The following SLC15A5 variants were observed in gnomAD, a reference collection of about 807,000 sequenced individuals.
SLC15A5 encodes the protein Peptide/histidine transporter ENSP00000340402.
SLC15A5 carries 58 observed loss-of-function variants against 56.1 expected under a neutral mutation model. The observed-to-expected ratio is 1.03, with a 90% CI of 0.84 to 1.29. The LOEUF (loss-of-function observed/expected upper bound fraction) is 1.29, where lower values mean the gene tolerates loss of function less well. Ranked by LOEUF, SLC15A5 falls within the 50% of genes most tolerant of loss-of-function variation. SLC15A5 has a pLI of 0.00. For missense variants in SLC15A5, 681 were observed against 672.1 expected (o/e 1.01, Z -0.15); for synonymous variants, 264 against 250.5 (o/e 1.05, Z -0.51).
At position 16,257,862 on chromosome 12, in the gene SLC15A5, C is replaced by T. The variant is rs1332486572; in HGVS notation, c.593G>A (p.Trp198Ter). Reference sequence around the variant, plus strand: ...AATAGTTGCATTTAGGTTCATGAGCCAATAAAACCTGGGGTATACAGACAG... The same window carrying T: ...AATAGTTGCATTTAGGTTCATGAGCTAATAAAACCTGGGGTATACAGACAG... The part of the protein sequence containing the change: ...KTMSFFNWFY[W>*]LMNLNATIVF... The change falls in exon 3 of 9, where the codon TGG becomes TAG. Residue 198 changes from tryptophan (W) to a stop codon, truncating the protein, a stop_gained. Transcript: ENST00000344941. LOFTEE classifies it high-confidence loss of function. 6.7e-7 allele frequency: 1 copy of T among 1,488,328 alleles called. No homozygotes were observed. The highest frequency in any genetic ancestry group is 8.9e-7 in the Non-Finnish European group (1 of 1,129,262). 92.2% of individuals were successfully genotyped at this position (1,488,328 alleles called of 1,614,324 possible).
At position 16,224,580 on chromosome 12, in the gene SLC15A5, T is replaced by A; in HGVS notation, c.1185A>T (p.Ala395=). 2 of 1,532,110 alleles carry A rather than the reference T, an allele frequency of 1.3e-6. No homozygotes were observed. The highest frequency in any genetic ancestry group is 1.7e-6 in the Non-Finnish European group (2 of 1,144,612). The allele number at this position is 1,532,110 out of a possible 1,614,324, so 94.9% of individuals were successfully genotyped here. A position where few individuals can be genotyped will look rare whatever the true frequency, so the allele number is the denominator to read the frequency against. The change falls in exon 6 of 9, where the codon GCA becomes GCT. Residue 395 remains alanine, a synonymous_variant. Coordinates refer to ENST00000344941, the MANE Select transcript of SLC15A5 (RefSeq NM_001170798.1). The part of the protein sequence containing the change: ...TCIIAGNLFA[A]LSVMIAGFFE... ...AGAAGCCAGCTATCATCACAGACAA[T>A]GCAGCAAAAAGATTTCCAGCAACTG...
intron 3 of SLC15A5, among the ~76,000 whole-genome samples, chr12:16,247,542 A>G (rs1198360916): frequency 6.6e-6 from 1 of 152,170 alleles, no homozygotes; most frequent in Non-Finnish European, 1.5e-5. Context: ...GTGGGCTGTT[A>G]TGATAGAGAC....
chr12:16,200,314 A>AT (rs879828555), intron 7 of SLC15A5, among the ~76,000 whole-genome samples: 1 of 151,792 alleles, frequency 6.6e-6, no homozygotes, highest in Non-Finnish European at 1.5e-5. Context: ...GACATTGAAA[A>AT]TTTTTTTATA....
chr12:16,196,971 G>A lies in SLC15A5; in HGVS notation c.1484-2518C>T, dbSNP rs956829539. Among the ~76,000 whole-genome samples, 2 of 151,842 alleles carry A rather than the reference G, an allele frequency of 1.3e-5. No homozygotes were observed. Among genetic ancestry groups the A allele is most frequent in the Admixed American group, 1.3e-4 (2 of 15,210 alleles). ...ACAGAAATGACAAGTACTATGACTTGGTATTTGGGAGTTTGTGGGTGACAG... is the reference window on the plus strand; with the variant it reads ...ACAGAAATGACAAGTACTATGACTTAGTATTTGGGAGTTTGTGGGTGACAG... On this transcript the variant is annotated intron_variant, in intron 7 of 8. Transcript: ENST00000344941. The surrounding 1 kb of genome is among the most constrained non-coding windows in gnomAD (Gnocchi z 4.0).
chr12:16,227,079 G>A (rs1864249720), intron 5 of SLC15A5, among the ~76,000 whole-genome samples: 1 of 151,918 alleles, frequency 6.6e-6, no homozygotes, highest in Admixed American at 6.6e-5. Context: ...GCTCTTTCCA[G>A]GGTCCCCAAG....
chr12:16,209,935 G>A (rs1338506030), intron 7 of SLC15A5, among the ~76,000 whole-genome samples: 1 of 152,046 alleles, frequency 6.6e-6, no homozygotes, highest in Non-Finnish European at 1.5e-5. Context: ...TAGATCATTG[G>A]TGTTTTGTAT....
intron 8 of SLC15A5, among the ~76,000 whole-genome samples, chr12:16,191,996 A>G (rs1435277039): frequency 6.6e-6 from 1 of 152,110 alleles, no homozygotes; most frequent in Admixed American, 6.6e-5. Flanking sequence ...CAGCTCTTCT[A>G]TGGCACCTGG....
intron 5 of SLC15A5, among the ~76,000 whole-genome samples, chr12:16,224,982 G>GT (rs567914380): frequency 1.7e-3 from 249 of 150,436 alleles, no homozygotes; most frequent in African/African-American, 5.8e-3. Context: ...GCGGTGTTTG[G>GT]TTTTTTGTCC....
At chr12:16,259,332 T>C (rs1184534487) in intron 2 of SLC15A5, among the ~76,000 whole-genome samples, 1 of 151,380 alleles carries the variant, frequency 6.6e-6, no homozygotes, top group Non-Finnish European at 1.5e-5. Flanking sequence ...CTTCCCTCCT[T>C]TCCTCCCTCA....
rs1383764096 is a variant in SLC15A5, at chr12:16,225,364, T to C, written c.1163-762A>G. The stretch of plus-strand genomic sequence containing the variant: ...CACCAACAGTGGAAAAGTGTTCCTA[T>C]AGGCAATACCATTCAGGACATAGGC... On this transcript the variant is annotated intron_variant, in intron 5 of 8. Coordinates refer to ENST00000344941, the MANE Select transcript of SLC15A5 (RefSeq NM_001170798.1). Among the ~76,000 whole-genome samples, 4 of 152,304 alleles carry C rather than the reference T, an allele frequency of 2.6e-5. No individual in the cohort carries two copies. In the East Asian group the frequency reaches 7.7e-4, roughly 29 times the overall value.
At chr12:16,276,871 A>G (rs1365844937) in intron 1 of SLC15A5, among the ~76,000 whole-genome samples, 1 of 152,090 alleles carries the variant, frequency 6.6e-6, no homozygotes, top group Non-Finnish European at 1.5e-5. Flanking sequence ...CTTAATTACT[A>G]TATGACTAAT....
At chr12:16,232,349 GAA>G (rs975992646) in intron 5 of SLC15A5, among the ~76,000 whole-genome samples, 31 of 152,154 alleles carry the variant, frequency 2.0e-4, no homozygotes, top group African/African-American at 7.5e-4. Context: ...GATTTGAAGA[GAA>G]AATATTGAGA....
Position 16,216,983 on chromosome 12 carries a change from C to T in SLC15A5, c.1393G>A (p.Gly465Arg). ...AGTGTCAGAAAATTCATGGAGGTTC[C>T]TCTGACATTGCTTGGAACAAATCTG... is the stretch of plus-strand genomic sequence containing the variant. ...SYRFVPSNVR[G>R]TSMNFLTLFN... Residue 465 changes from glycine (G) to arginine (R), a missense_variant, in exon 7 of 9, where the codon GGA (glycine) becomes AGA (arginine). Gly to Arg is a moderately radical substitution (Grantham distance 125). Transcript: ENST00000344941. 1 of 1,536,786 alleles carries T rather than the reference C, an allele frequency of 6.5e-7. No homozygotes were observed. The highest frequency in any genetic ancestry group is 8.7e-7 in the Non-Finnish European group (1 of 1,146,612).
At chr12:16,205,375 T>C (rs1196929520) in intron 7 of SLC15A5, among the ~76,000 whole-genome samples, 1 of 151,628 alleles carries the variant, frequency 6.6e-6, no homozygotes, top group Non-Finnish European at 1.5e-5. Flanking sequence ...TTTAAAATAT[T>C]TATCCTCACT....
chr12:16,203,425 T>G (rs1296949029), intron 7 of SLC15A5, among the ~76,000 whole-genome samples: 1 of 152,144 alleles, frequency 6.6e-6, no homozygotes, highest in Non-Finnish European at 1.5e-5. Flanking sequence ...GATTTAATAT[T>G]GAAAAATTTA....
At chr12:16,276,081 C>G (rs772779574) in intron 1 of SLC15A5, among the ~76,000 whole-genome samples, 2 of 152,036 alleles carry the variant, frequency 1.3e-5, no homozygotes, top group African/African-American at 2.4e-5. Flanking sequence ...ACTTTCTTCT[C>G]TATTGCATTT....
At chr12:16,260,575 G>A (rs1349249087) in intron 2 of SLC15A5, among the ~76,000 whole-genome samples, 1 of 151,462 alleles carries the variant, frequency 6.6e-6, no homozygotes, top group Admixed American at 6.6e-5. Flanking sequence ...TCAGATACAT[G>A]TTCTACAAAT....
intron 3 of SLC15A5, among the ~76,000 whole-genome samples, chr12:16,249,579 G>C (rs748730326): frequency 4.6e-5 from 7 of 151,938 alleles, no homozygotes; most frequent in African/African-American, 7.3e-5. Flanking sequence ...CCAAAAATAG[G>C]TTACCTTATC....
chr12:16,192,990 A>G (rs1420970798), intron 8 of SLC15A5, among the ~76,000 whole-genome samples: 2 of 152,136 alleles, frequency 1.3e-5, no homozygotes, highest in Non-Finnish European at 2.9e-5. Context: ...TTGGGTGACT[A>G]AATTATTTTA....
Sources: gnomAD v4.1 joint callset for allele counts (sites outside exome capture counted in the v4.1 genomes callset) on GRCh38, gnomAD v4.1.1 for gene constraint, Gnocchi (gnomAD v3.1) non-coding constraint, MANE v1.5 for transcripts, NCBI Gene and HGNC (gene_info 2026-07-23, HGNC 2026-07-21) for gene names.